Variants in MORC1 observed in about 807,000 individuals in gnomAD.
MORC1 encodes MORC family CW-type zinc finger protein 1.
A neutral mutation model predicts 134.9 loss-of-function variants in MORC1; 59 were observed. The observed-to-expected ratio is 0.44, with a 90% CI of 0.35 to 0.54. The LOEUF is 0.54. Ranked by LOEUF, MORC1 falls within the 20% of genes least tolerant of loss-of-function variation. MORC1 has a pLI of 0.00. For synonymous variants in MORC1, 395 were observed against 391.7 expected, an observed-to-expected ratio of 1.01 and a Z score of -0.10; for missense variants, 947 against 1,134.5, an observed-to-expected ratio of 0.83 and a Z score of 2.37.
rs1182511943 is a variant in MORC1, at chr3:109,105,969, T to G, written c.155-2052A>C. On this transcript the variant is annotated intron_variant, in intron 3 of 27. Transcript: ENST00000232603. Reference sequence around the variant, plus strand: ...TTCCTCCTCTCCCCCTTTAAAGTACTTGTTCTGTTTAGTCCTCCCTCAAAG... The same window carrying G: ...TTCCTCCTCTCCCCCTTTAAAGTACGTGTTCTGTTTAGTCCTCCCTCAAAG... 2.0e-5 allele frequency among the ~76,000 whole-genome samples: 3 copies of G among 152,194 alleles called. No homozygotes were observed. In the East Asian group the frequency reaches 5.8e-4, roughly 29 times the overall value.
chr3:109,101,294 A>G (rs921204089), intron 4 of MORC1, among the ~76,000 whole-genome samples: 2 of 152,228 alleles, frequency 1.3e-5, no homozygotes, highest in Non-Finnish European at 2.9e-5. Flanking sequence ...TGTGAGACTA[A>G]GAGGGGCAGG....
intron 14 of MORC1, among the ~76,000 whole-genome samples, chr3:109,038,427 A>C (rs1416690175): frequency 6.6e-6 from 1 of 151,812 alleles, no homozygotes; most frequent in Non-Finnish European, 1.5e-5. Flanking sequence ...GCTGTGCTGA[A>C]GCTCTTCAGT....
chr3:109,022,447 A>G (rs541876659), intron 17 of MORC1, among the ~76,000 whole-genome samples: 128 of 152,352 alleles, frequency 8.4e-4, no homozygotes, highest in African/African-American at 2.8e-3. Flanking sequence ...GCCAGATTAT[A>G]CTATTTCATT....
At chr3:108,960,563 T>C (rs1253525625) in intron 27 of MORC1, among the ~76,000 whole-genome samples, 1 of 152,176 alleles carries the variant, frequency 6.6e-6, no homozygotes, top group African/African-American at 2.4e-5. Context: ...GCATTTTGCT[T>C]GTTGACTTTT....
chr3:109,083,929 T>A (rs1950568594), intron 8 of MORC1, among the ~76,000 whole-genome samples: 2 of 152,194 alleles, frequency 1.3e-5, no homozygotes, highest in South Asian at 2.1e-4. Flanking sequence ...TTTCAATTGA[T>A]GATGAAAAAT....
At position 109,093,527 on chromosome 3, in the gene MORC1, T is replaced by C. The variant is rs1950769079; in HGVS notation, c.598A>G (p.Ile200Val). 4 of 1,612,782 alleles carry C rather than the reference T, an allele frequency of 2.5e-6. No homozygotes were observed. The highest frequency in any genetic ancestry group is 3.4e-6 in the Non-Finnish European group (4 of 1,178,928). The change falls in exon 8 of 28, where the codon ATT becomes GTT. Residue 200 changes from isoleucine (I) to valine (V), a missense_variant. Physicochemically the swap from Ile to Val is conservative, Grantham distance 29 (BLOSUM62 3). This residue lies in a region of MORC1 where 214 missense variants were observed against 281.3 expected (regional missense o/e 0.76). Coordinates refer to ENST00000232603, the MANE Select transcript of MORC1 (RefSeq NM_014429.4). ...IYGKCGTLLV[I>V]YNLKLLLNGE... The stretch of plus-strand genomic sequence containing the variant: ...TTAAGCAGAAGCTTCAAGTTATAAA[T>C]AACCAGCAAAGTACCTGGTAGAAAA...
chr3:108,997,009 CAAAAAAAAAA>C (rs36087713), intron 21 of MORC1, among the ~76,000 whole-genome samples: 718 of 31,590 alleles, frequency 0.023, 9 homozygotes, highest in African/African-American at 0.08. Context: ...GACTCTGTCT[CAAAAAAAAAA>C]AAAAAAAAAA....
At position 108,971,334 on chromosome 3, in the gene MORC1, C is replaced by A; in HGVS notation, c.2546G>T (p.Cys849Phe). ...PSELEEPALS[C>F]ELEQCPEQMN... Reference sequence around the variant, plus strand: ...TTCCAAAAAAAACCAGCTTACCTCACAACTTAATGCAGGTTCTTCCAATTC... The same window carrying A: ...TTCCAAAAAAAACCAGCTTACCTCAAAACTTAATGCAGGTTCTTCCAATTC... Residue 849 changes from cysteine to phenylalanine, a missense_variant, in exon 25 of 28, where the codon TGT (cysteine) becomes TTT (phenylalanine). Transcript: ENST00000232603. 1.2e-6 allele frequency: 2 copies of A among 1,613,212 alleles called. No individual in the cohort carries two copies. The highest frequency in any genetic ancestry group is 1.7e-6 in the Non-Finnish European group (2 of 1,179,438).
chr3:108,966,767 C>T (rs1247796169), intron 26 of MORC1, among the ~76,000 whole-genome samples: 1 of 151,776 alleles, frequency 6.6e-6, no homozygotes, highest in Non-Finnish European at 1.5e-5. Flanking sequence ...TTGGGAGAGT[C>T]GATAGGAGTA....
intron 23 of MORC1, among the ~76,000 whole-genome samples, chr3:108,984,143 G>C (rs2107461069): frequency 6.6e-6 from 1 of 152,242 alleles, no homozygotes; most frequent in South Asian, 2.1e-4. Flanking sequence ...TATGCAAAGA[G>C]CACAGGATTT....
chr3:109,027,217 T>C (rs751733921), intron 17 of MORC1, among the ~76,000 whole-genome samples: 2 of 152,228 alleles, frequency 1.3e-5, no homozygotes, highest in Non-Finnish European at 1.5e-5. Flanking sequence ...TTTTTCTACA[T>C]GCCACATTTT....
At chr3:109,098,652 A>G (rs1473869873) in intron 6 of MORC1, among the ~76,000 whole-genome samples, 1 of 152,148 alleles carries the variant, frequency 6.6e-6, no homozygotes, top group Non-Finnish European at 1.5e-5. Context: ...GCTTTTGATA[A>G]TCTGGTAACA....
intron 17 of MORC1, among the ~76,000 whole-genome samples, chr3:109,022,441 G>A (rs572487596): frequency 2.0e-5 from 3 of 152,240 alleles, no homozygotes; most frequent in Admixed American, 6.5e-5. Context: ...GGAATTGCCA[G>A]ATTATACTAT....
chr3:108,984,373 C>G (rs931755568), intron 23 of MORC1, among the ~76,000 whole-genome samples: 3 of 151,714 alleles, frequency 2.0e-5, no homozygotes, highest in African/African-American at 7.3e-5. Context: ...TAATGAACCA[C>G]AGAGAAAAAA....
At chr3:109,027,056 T>A (rs574742860) in intron 17 of MORC1, among the ~76,000 whole-genome samples, 14 of 152,304 alleles carry the variant, frequency 9.2e-5, no homozygotes, top group African/African-American at 2.9e-4. Flanking sequence ...TAATAAGCAT[T>A]TTATTTCCTG....
chr3:109,020,764 C>CAAAA (rs66700715), intron 17 of MORC1, among the ~76,000 whole-genome samples: 6 of 78,434 alleles, frequency 7.6e-5, no homozygotes, highest in Non-Finnish European at 1.1e-4. Context: ...GACTCTGTCT[C>CAAAA]AAAAAAAAAA....
intron 7 of MORC1, 45 bp from the exon 8 acceptor site, chr3:109,093,586 C>A (rs1950770335): frequency 1.5e-6 from 2 of 1,328,172 alleles, no homozygotes; most frequent in Middle Eastern, 1.8e-4. Flanking sequence ...TTTAAATACA[C>A]TAAATGCTAG....
intron 17 of MORC1, among the ~76,000 whole-genome samples, chr3:109,022,345 C>G (rs777513199): frequency 3.3e-4 from 51 of 152,240 alleles, no homozygotes; most frequent in Non-Finnish European, 8.8e-5. Flanking sequence ...AAGCTGTACT[C>G]AGATACGCCA....
At chr3:108,995,794 T>C (rs1294845850) in intron 21 of MORC1, among the ~76,000 whole-genome samples, 1 of 152,196 alleles carries the variant, frequency 6.6e-6, no homozygotes, top group Non-Finnish European at 1.5e-5. Flanking sequence ...TGGATTGGTC[T>C]TTTAAAATTG....
Sources: gnomAD v4.1 joint callset for allele counts (sites outside exome capture counted in the v4.1 genomes callset) on GRCh38, gnomAD v4.1.1 for gene constraint, gnomAD v4.1.1 regional missense constraint, MANE v1.5 for transcripts, NCBI Gene and HGNC (gene_info 2026-07-23, HGNC 2026-07-21) for gene names.